Variants in RPS6KC1 observed in about 807,000 individuals in gnomAD.
The protein encoded by RPS6KC1 is ribosomal protein S6 kinase C1.
Under a neutral mutation model 103.8 loss-of-function variants are expected in RPS6KC1, and 54 were observed. The observed-to-expected ratio is 0.52, with a 90% CI of 0.42 to 0.65. The LOEUF is 0.65. Ranked by LOEUF, RPS6KC1 falls within the 30% of genes least tolerant of loss-of-function variation. The pLI, the probability that RPS6KC1 is intolerant of heterozygous loss-of-function variation, is 0.00. For synonymous variants in RPS6KC1, 439 were observed against 438.7 expected (o/e 1.00, Z -0.01); for missense variants, 1,151 against 1,253.8 (o/e 0.92, Z 1.24).
chr1:213,508,897 A>T, the RPS6KC1 span, among the ~76,000 whole-genome samples: 3 of 152,176 alleles, frequency 2.0e-5, no homozygotes, highest in African/African-American at 7.2e-5. Context: ...TTGACTTGAG[A>T]TTAGAACTTC....
Position 213,129,667 on chromosome 1 carries a change from G to T in RPS6KC1, c.613G>T (p.Gly205Trp). 1 of 1,614,058 alleles carries T rather than the reference G, an allele frequency of 6.2e-7. No homozygotes were observed. Among genetic ancestry groups the T allele is most frequent in the Non-Finnish European group, 8.5e-7 (1 of 1,179,972 alleles). ...TCTTTCTTCGGATTCTTCAGCACTAGGGGCTGTTGCTTCTGACAGTGAACA... is the reference window on the plus strand; with the variant it reads ...TCTTTCTTCGGATTCTTCAGCACTATGGGCTGTTGCTTCTGACAGTGAACA... Reference protein sequence around the residue: ...LNLSSDSSALGAVASDSEQSK... With the variant: ...LNLSSDSSALWAVASDSEQSK... Residue 205 changes from glycine (G) to tryptophan (W), a missense_variant, in exon 6 of 15, where the codon GGG becomes TGG. Gly to Trp is a radical substitution (Grantham distance 184). This residue lies in a region of RPS6KC1 where 959 missense variants were observed against 1,006.3 expected (regional missense o/e 0.95). Transcript: ENST00000366960.
At chr1:213,646,897 A>ATATT in the RPS6KC1 span, among the ~76,000 whole-genome samples, 5 of 150,436 alleles carry the variant, frequency 3.3e-5, no homozygotes, top group African/African-American at 9.8e-5. Context: ...ATATATATAT[A>ATATT]TTTTTGTTTG....
At position 213,071,034 on chromosome 1, in the gene RPS6KC1, T is replaced by G; in HGVS notation, c.134T>G (p.Val45Gly). 6.5e-7 allele frequency: 1 copy of G among 1,541,634 alleles called. No homozygotes were observed. The highest frequency in any genetic ancestry group is 8.8e-7 in the Non-Finnish European group (1 of 1,132,336). Residue 45 changes from valine to glycine, a missense_variant, in exon 2 of 15, where the codon GTC (valine) becomes GGC (glycine). Physicochemically the swap from Val to Gly is moderately radical, Grantham distance 109 (BLOSUM62 -3). Transcript: ENST00000366960. The part of the protein sequence containing the change: ...RVVSRRNPED[V>G]QEIIVWKRYS... ...GTTTCACGAAGAAATCCAGAGGATG[T>G]CCAGGAGGTAACATTTATATGAAGA...
the RPS6KC1 span, among the ~76,000 whole-genome samples, chr1:213,551,544 A>G: frequency 6.6e-6 from 1 of 152,102 alleles, no homozygotes; most frequent in Admixed American, 6.5e-5. Context: ...GTATGTATAT[A>G]TATGTATTTG....
At chr1:213,442,871 T>C in the RPS6KC1 span, among the ~76,000 whole-genome samples, 2 of 152,068 alleles carry the variant, frequency 1.3e-5, no homozygotes, top group African/African-American at 4.8e-5. Flanking sequence ...ACTTGATCCA[T>C]CTGGGATGAA....
chr1:213,759,136 T>C, the RPS6KC1 span, among the ~76,000 whole-genome samples: 1 of 152,178 alleles, frequency 6.6e-6, no homozygotes, highest in East Asian at 1.9e-4. Flanking sequence ...ACCACCACCC[T>C]GATCAGTCAG....
At chr1:213,321,635 T>C in the RPS6KC1 span, among the ~76,000 whole-genome samples, 1 of 152,138 alleles carries the variant, frequency 6.6e-6, no homozygotes, top group Non-Finnish European at 1.5e-5. Context: ...GCTGATAAAA[T>C]AGACAAAAAT....
chr1:213,721,569 G>C, the RPS6KC1 span, among the ~76,000 whole-genome samples: 1 of 152,094 alleles, frequency 6.6e-6, no homozygotes, highest in African/African-American at 2.4e-5. Context: ...TTCTTTATAA[G>C]TTGTCCAGTC....
the RPS6KC1 span, among the ~76,000 whole-genome samples, chr1:213,587,986 C>A: frequency 6.6e-6 from 1 of 152,288 alleles, no homozygotes; most frequent in East Asian, 1.9e-4. Flanking sequence ...AGTCCAAGAT[C>A]AAGGCACTGG....
the RPS6KC1 span, among the ~76,000 whole-genome samples, chr1:213,371,557 C>G: frequency 6.6e-6 from 1 of 152,202 alleles, no homozygotes; most frequent in African/African-American, 2.4e-5. Flanking sequence ...ACGTTCCCAC[C>G]AACAGTGCAC....
At position 213,051,321 on chromosome 1, in the gene RPS6KC1, G is replaced by T. The variant is rs965778394; in HGVS notation, c.-84G>T. The stretch of plus-strand genomic sequence containing the variant: ...ACCGCCCCCTCGCCGCTTCGCCGCT[G>T]CGTTGGGGAACCTGGACCGCGGCGG... On this transcript the variant is annotated 5_prime_UTR_variant, in exon 1 of 15. Transcript: ENST00000366960. 16 of 1,038,240 alleles carry T rather than the reference G, an allele frequency of 1.5e-5. No homozygotes were observed. The African/African-American group carries it at 2.4e-4, about 16-fold the overall frequency. 64.3% of individuals were successfully genotyped at this position (1,038,240 alleles called of 1,614,324 possible).
At chr1:213,074,149 G>C (rs1008114303) in intron 2 of RPS6KC1, among the ~76,000 whole-genome samples, 2 of 152,084 alleles carry the variant, frequency 1.3e-5, no homozygotes, top group Admixed American at 6.5e-5. Context: ...TAATTCAATT[G>C]GTGGTTCTGT....
chr1:213,155,846 C>T (rs575519770), intron 6 of RPS6KC1, among the ~76,000 whole-genome samples: 1 of 152,140 alleles, frequency 6.6e-6, no homozygotes, highest in South Asian at 2.1e-4. Context: ...TGTCTTGTTC[C>T]ACCGTCCCCA....
chr1:213,170,592 G>C (rs2091394816), intron 7 of RPS6KC1, among the ~76,000 whole-genome samples: 1 of 152,182 alleles, frequency 6.6e-6, no homozygotes, highest in Admixed American at 6.5e-5. Context: ...GGATAAAAAG[G>C]AGTGCCTTCT....
At chr1:213,300,924 C>G in the RPS6KC1 span, among the ~76,000 whole-genome samples, 1 of 152,140 alleles carries the variant, frequency 6.6e-6, no homozygotes, top group East Asian at 1.9e-4. Flanking sequence ...GAATGGTCTC[C>G]TGACTGCCAC....
chr1:213,258,780 A>G (rs1283016725), intron 12 of RPS6KC1, among the ~76,000 whole-genome samples: 1 of 152,236 alleles, frequency 6.6e-6, no homozygotes, highest in Non-Finnish European at 1.5e-5. Flanking sequence ...TTACTTTGCT[A>G]ACATTTCTAA....
the RPS6KC1 span, among the ~76,000 whole-genome samples, chr1:213,831,586 TAGCAGGA>T: frequency 6.6e-6 from 1 of 152,216 alleles, no homozygotes; most frequent in Admixed American, 6.5e-5. Flanking sequence ...TTTGTCACAA[TAGCAGGA>T]GGAAACTAAT....
chr1:213,369,270 G>A, the RPS6KC1 span, among the ~76,000 whole-genome samples: 18 of 152,324 alleles, frequency 1.2e-4, no homozygotes, highest in African/African-American at 4.3e-4. Flanking sequence ...TGGCTTGTTT[G>A]GATCCTGACA....
chr1:213,332,397 A>G, the RPS6KC1 span, among the ~76,000 whole-genome samples: 3 of 152,214 alleles, frequency 2.0e-5, no homozygotes, highest in African/African-American at 7.2e-5. Flanking sequence ...CTGTTGATAC[A>G]GCGATCCAAT....
Sources: gnomAD v4.1 joint callset for allele counts (sites outside exome capture counted in the v4.1 genomes callset) on GRCh38, gnomAD v4.1.1 for gene constraint, gnomAD v4.1.1 regional missense constraint, MANE v1.5 for transcripts, NCBI Gene and HGNC (gene_info 2026-07-23, HGNC 2026-07-21) for gene names.